The following TAOK1 variants were observed in gnomAD, a reference collection of about 807,000 sequenced individuals.
TAOK1 encodes serine/threonine-protein kinase TAO1.
Under a neutral mutation model 138.3 loss-of-function variants are expected in TAOK1, and 21 were observed. The ratio of observed to expected loss-of-function variants is 0.15; its 90% CI spans 0.11 to 0.22. The LOEUF (loss-of-function observed/expected upper bound fraction) is 0.22, where lower values mean the gene tolerates loss of function less well. TAOK1 is among the 10% of genes least tolerant of loss of function. TAOK1 has a pLI of 1.00. For synonymous variants in TAOK1, 361 were observed against 398.4 expected (o/e 0.91, Z 1.12); for missense variants, 651 against 1,227.7 (o/e 0.53, Z 7.02).
At chr17:29,406,695 C>T (rs1352410809) in intron 1 of TAOK1, among the ~76,000 whole-genome samples, 2 of 151,216 alleles carry the variant, frequency 1.3e-5, no homozygotes, top group African/African-American at 2.5e-5. Context: ...CCCACCCCCC[C>T]AACTAAGCAG....
chr17:29,423,877 G>A (rs556610279), intron 1 of TAOK1, among the ~76,000 whole-genome samples: 4 of 151,770 alleles, frequency 2.6e-5, no homozygotes, highest in South Asian at 2.1e-4. Context: ...GCGAAACCCC[G>A]TCTCCACTAA....
At chr17:29,516,439 A>G (rs1045187010) in intron 15 of TAOK1, among the ~76,000 whole-genome samples, 1 of 151,240 alleles carries the variant, frequency 6.6e-6, no homozygotes. Context: ...GGTTCAAGCA[A>G]CGCTCCTGCC....
At chr17:29,394,150 G>GTTTTGTTTTTTTTTTT (rs1904514488) in intron 1 of TAOK1, among the ~76,000 whole-genome samples, 1 of 48,246 alleles carries the variant, frequency 2.1e-5, no homozygotes, top group Non-Finnish European at 3.6e-5. Context: ...TAATTTGCCA[G>GTTTTGTTTTTTTTTTT]TTTTTTTTTT....
At chr17:29,437,144 A>ACCT (rs1380097376) in intron 1 of TAOK1, among the ~76,000 whole-genome samples, 2 of 151,858 alleles carry the variant, frequency 1.3e-5, no homozygotes, top group South Asian at 2.1e-4. Context: ...GCTCACTGCC[A>ACCT]CCTCCTCCTC....
intron 10 of TAOK1, among the ~76,000 whole-genome samples, chr17:29,493,290 T>C (rs1381054893): frequency 1.3e-5 from 2 of 150,894 alleles, no homozygotes; most frequent in Non-Finnish European, 3.0e-5. Context: ...AGGTTGGGAG[T>C]TCGAGACCAG....
chr17:29,549,419 C>T lies in TAOK1; in HGVS notation c.*6397C>T, dbSNP rs2032453963. The T allele has an allele frequency of 6.6e-6, 1 of 152,140 alleles. No individual in the cohort carries two copies. The allele number at this position is 152,140 out of a possible 1,614,324, so 9.4% of individuals were successfully genotyped here. A position where few individuals can be genotyped will look rare whatever the true frequency, so the allele number is the denominator to read the frequency against. On this transcript the variant is annotated 3_prime_UTR_variant, in exon 20 of 20. Coordinates refer to ENST00000261716, the MANE Select transcript of TAOK1 (RefSeq NM_020791.4). The stretch of plus-strand genomic sequence containing the variant: ...TACCAGTGTTAATGAAAAGTGTGTG[C>T]TCTTTGCTTTTGCATGGCTTGGCTT...
chr17:29,522,531 C>A lies in TAOK1; in HGVS notation c.2148+12C>A. The A allele has an allele frequency of 6.2e-7, 1 of 1,613,364 alleles. No homozygotes were observed. Among genetic ancestry groups the A allele is most frequent in the South Asian group, 1.1e-5 (1 of 90,994 alleles). On this transcript the variant is annotated intron_variant, in intron 17 of 19. Coordinates refer to ENST00000261716, the MANE Select transcript of TAOK1 (RefSeq NM_020791.4). Reference sequence around the variant, plus strand: ...CTAAGAGTTTGAAGGTATGGTTAGCCTAAGCTTTTTGATAACAGGGAGGAG... The same window carrying A: ...CTAAGAGTTTGAAGGTATGGTTAGCATAAGCTTTTTGATAACAGGGAGGAG...
chr17:29,419,334 T>A (rs757024309), intron 1 of TAOK1, among the ~76,000 whole-genome samples: 13 of 151,806 alleles, frequency 8.6e-5, no homozygotes, highest in Non-Finnish European at 1.9e-4. Flanking sequence ...GTAGCTGGGA[T>A]TACAGGCATG....
intron 2 of TAOK1, among the ~76,000 whole-genome samples, chr17:29,459,025 T>A (rs1351723487): frequency 6.6e-6 from 1 of 152,094 alleles, no homozygotes; most frequent in Admixed American, 6.6e-5. Flanking sequence ...CAGCCTAATT[T>A]TTGTATTTTT....
At chr17:29,490,344 T>C (rs2031273603) in intron 9 of TAOK1, among the ~76,000 whole-genome samples, 1 of 152,162 alleles carries the variant, frequency 6.6e-6, no homozygotes, top group African/African-American at 2.4e-5. Context: ...TTGACAATTT[T>C]AGAAAACTAG....
At chr17:29,435,196 T>C (rs1567717581) in intron 1 of TAOK1, among the ~76,000 whole-genome samples, 1 of 152,200 alleles carries the variant, frequency 6.6e-6, no homozygotes, top group Non-Finnish European at 1.5e-5. Flanking sequence ...CTTTCTGAGA[T>C]GCAGCTGGAG....
chr17:29,526,056 G>A (rs1453949696), intron 17 of TAOK1, among the ~76,000 whole-genome samples: 1 of 151,940 alleles, frequency 6.6e-6, no homozygotes, highest in Admixed American at 6.6e-5. Flanking sequence ...TACTTTGGGA[G>A]GCTGAGGTCG....
At position 29,536,922 on chromosome 17, in the gene TAOK1, G is replaced by T. The variant is rs903951636; in HGVS notation, c.2544+2622G>T. Among the ~76,000 whole-genome samples the T allele has an allele frequency of 3.9e-5, 6 of 151,920 alleles. No individual in the cohort carries two copies. The South Asian group carries it at 8.3e-4, about 21-fold the overall frequency. ...TCACCGTGTTAGCCAGGATGGTCTC[G>T]ATCTCCTGACCTCGTGATCCGCCTG... On this transcript the variant is annotated intron_variant, in intron 19 of 19. Transcript: ENST00000261716.
At chr17:29,519,545 A>G (rs527441027) in intron 16 of TAOK1, among the ~76,000 whole-genome samples, 1 of 152,126 alleles carries the variant, frequency 6.6e-6, no homozygotes, top group Non-Finnish European at 1.5e-5. Context: ...GAAAAGAAAA[A>G]AATTATTCTC....
chr17:29,514,522 G>C lies in TAOK1; in HGVS notation c.1705-2931G>C, dbSNP rs866587218. ...CCACAGACGCATACCACCATGCCCAGCTAATTTTATAATTTATTTTTTGTA... is the reference window on the plus strand; with the variant it reads ...CCACAGACGCATACCACCATGCCCACCTAATTTTATAATTTATTTTTTGTA... On this transcript the variant is annotated intron_variant, in intron 15 of 19. Transcript: ENST00000261716. 3 of 152,088 alleles carry C rather than the reference G, an allele frequency of 2.0e-5. No homozygotes were observed. In the Middle Eastern group the frequency reaches 0.01, roughly 517 times the overall value. The allele number at this position is 152,088 out of a possible 1,614,324, so 9.4% of individuals were successfully genotyped here. A position where few individuals can be genotyped will look rare whatever the true frequency, so the allele number is the denominator to read the frequency against.
Position 29,551,519 on chromosome 17 carries a change from C to T in TAOK1, c.*8497C>T, listed in dbSNP as rs1367999516. ...TAATTTTAAATACACATTGTCCTCT[C>T]GATTTTTGGACCAAACAGACGCTCA... On this transcript the variant is annotated 3_prime_UTR_variant, in exon 20 of 20. Transcript: ENST00000261716. 6.6e-6 allele frequency: 1 copy of T among 152,490 alleles called. No homozygotes were observed. Among genetic ancestry groups the T allele is most frequent in the Non-Finnish European group, 1.5e-5 (1 of 68,032 alleles). 9.4% of individuals were successfully genotyped at this position (152,490 alleles called of 1,614,324 possible).
At position 29,543,528 on chromosome 17, in the gene TAOK1, C is replaced by T. The variant is rs1352632274; in HGVS notation, c.*506C>T. The T allele has an allele frequency of 6.5e-6, 1 of 152,744 alleles. No individual in the cohort carries two copies. Among genetic ancestry groups the T allele is most frequent in the Admixed American group, 6.5e-5 (1 of 15,304 alleles). 9.5% of individuals were successfully genotyped at this position (152,744 alleles called of 1,614,324 possible). ...ATAAGTTATTACTGGTACACACCTG[C>T]ATTGCCTCACCAGTGTATTTATTTG... is the stretch of plus-strand genomic sequence containing the variant. On this transcript the variant is annotated 3_prime_UTR_variant, in exon 20 of 20. Transcript: ENST00000261716.
intron 2 of TAOK1, 90 bp from the exon 3 acceptor site, chr17:29,467,055 T>C (rs1264397594): frequency 1.0e-6 from 1 of 964,830 alleles, no homozygotes; most frequent in Non-Finnish European, 1.5e-6. Flanking sequence ...GACATGGTAG[T>C]TTACAAATGC....
intron 8 of TAOK1, among the ~76,000 whole-genome samples, chr17:29,488,749 A>T (rs2031233429): frequency 6.8e-6 from 1 of 146,954 alleles, no homozygotes; most frequent in Admixed American, 7.1e-5. Flanking sequence ...TGTCAAAGTC[A>T]TGACTTCAAC....
Sources: gnomAD v4.1 joint callset for allele counts (sites outside exome capture counted in the v4.1 genomes callset) on GRCh38, gnomAD v4.1.1 for gene constraint, MANE v1.5 for transcripts, NCBI Gene and HGNC (gene_info 2026-07-23, HGNC 2026-07-21) for gene names.